XCR1: variants seen among roughly 807,000 people sequenced by gnomAD.
XCR1 encodes the protein X-C motif chemokine receptor 1.
For missense variants in XCR1, 356 were observed against 424.2 expected, an observed-to-expected ratio of 0.84 and a Z score of 1.41; for synonymous variants, 187 against 188.5, an observed-to-expected ratio of 0.99 and a Z score of 0.06.
intron 5 of XCR1, among the ~76,000 whole-genome samples, chr3:46,036,248 T>G (rs1475977257): frequency 2.6e-5 from 4 of 152,194 alleles, no homozygotes; most frequent in Admixed American, 2.6e-4. Flanking sequence ...TCTGTGGTGC[T>G]GTTTGGCCCC....
intron 5 of XCR1, among the ~76,000 whole-genome samples, chr3:46,045,077 A>G (rs1035111264): frequency 1.3e-5 from 2 of 152,222 alleles, no homozygotes; most frequent in African/African-American, 2.4e-5. Flanking sequence ...TCTCATAAAC[A>G]TAGACGCAAA....
At chr3:46,069,224 AAAGT>A (rs781422477) in intron 3 of XCR1, among the ~76,000 whole-genome samples, 8 of 152,168 alleles carry the variant, frequency 5.3e-5, no homozygotes, top group African/African-American at 9.6e-5. Context: ...AAATAAACCC[AAAGT>A]AAGTAGAAAA....
chr3:46,033,617 T>C (rs1305564320), intron 5 of XCR1, among the ~76,000 whole-genome samples: 2 of 152,248 alleles, frequency 1.3e-5, no homozygotes, highest in African/African-American at 4.8e-5. Flanking sequence ...CCCCTGACTT[T>C]GTTCTTCTTC....
chr3:46,054,284 T>C (rs1232569069), intron 4 of XCR1, among the ~76,000 whole-genome samples: 3 of 152,044 alleles, frequency 2.0e-5, no homozygotes, highest in Admixed American at 2.0e-4. Context: ...CTGCATTCTC[T>C]AGATGTCCCA....
At chr3:46,082,679 AG>A (rs1698396578) in intron 1 of XCR1, among the ~76,000 whole-genome samples, 1 of 151,742 alleles carries the variant, frequency 6.6e-6, no homozygotes, top group Admixed American at 6.6e-5. Context: ...ATTGTAGAGA[AG>A]GGTCTTGCTA....
chr3:46,023,663 C>A, intron 1 of XCR1: 1 of 1,417,854 alleles, frequency 7.1e-7, no homozygotes, highest in Non-Finnish European at 9.9e-7. Flanking sequence ...AGCCCTTCTT[C>A]AGAGAAACGC....
At chr3:46,034,544 G>T (rs1465916187) in intron 5 of XCR1, among the ~76,000 whole-genome samples, 1 of 151,948 alleles carries the variant, frequency 6.6e-6, no homozygotes, top group Non-Finnish European at 1.5e-5. Flanking sequence ...TATTCTTAGG[G>T]GAAACACATC....
intron 4 of XCR1, among the ~76,000 whole-genome samples, chr3:46,059,746 G>C (rs1166848227): frequency 6.6e-6 from 1 of 152,184 alleles, no homozygotes; most frequent in Non-Finnish European, 1.5e-5. Context: ...TTGTGTTTGT[G>C]TATACACCTT....
intron 5 of XCR1, among the ~76,000 whole-genome samples, chr3:46,043,373 A>G (rs1697568727): frequency 6.6e-6 from 1 of 151,360 alleles, no homozygotes; most frequent in Non-Finnish European, 1.5e-5. Context: ...CCCAGGAGGC[A>G]GAGGTTGCAG....
chr3:46,067,234 G>A (rs1352104104), intron 3 of XCR1, among the ~76,000 whole-genome samples: 2 of 152,226 alleles, frequency 1.3e-5, no homozygotes, highest in Non-Finnish European at 2.9e-5. Flanking sequence ...TAGCAGCTTT[G>A]AAGAGGCAGG....
intron 1 of XCR1, among the ~76,000 whole-genome samples, chr3:46,082,347 T>G (rs9990063): frequency 0.29 from 43,486 of 151,846 alleles, 6,742 homozygotes; most frequent in South Asian, 0.53. Context: ...TATCCTCTCT[T>G]GGATAAAATT....
intron 3 of XCR1, among the ~76,000 whole-genome samples, chr3:46,071,262 T>A (rs1426421291): frequency 6.6e-6 from 1 of 151,964 alleles, no homozygotes; most frequent in Non-Finnish European, 1.5e-5. Flanking sequence ...GTAATGAGAA[T>A]GCATCGATAA....
At chr3:46,051,554 A>G (rs1697743596) in intron 5 of XCR1, among the ~76,000 whole-genome samples, 1 of 152,202 alleles carries the variant, frequency 6.6e-6, no homozygotes, top group Non-Finnish European at 1.5e-5. Flanking sequence ...TGTACTACAC[A>G]GGTGGGTCTA....
At chr3:46,037,556 G>A (rs1445488534) in intron 5 of XCR1, among the ~76,000 whole-genome samples, 1 of 152,052 alleles carries the variant, frequency 6.6e-6, no homozygotes, top group East Asian at 1.9e-4. Flanking sequence ...TATCATAGAT[G>A]GTCTATGTAA....
intron 1 of XCR1, among the ~76,000 whole-genome samples, chr3:46,026,299 C>T (rs1172493352): frequency 6.6e-6 from 1 of 152,112 alleles, no homozygotes; most frequent in Non-Finnish European, 1.5e-5. Flanking sequence ...TCTCAAACCC[C>T]TCCAAGTTAC....
Position 46,027,452 on chromosome 3 carries a change from G to A in XCR1, c.-67C>T, listed in dbSNP as rs1708318581. 6.6e-6 allele frequency: 1 copy of A among 152,256 alleles called. No homozygotes were observed. Among genetic ancestry groups the A allele is most frequent in the Middle Eastern group, 3.1e-3 (1 of 318 alleles). The allele number at this position is 152,256 out of a possible 1,614,324, so 9.4% of individuals were successfully genotyped here. ...ACCTCTTTACATGCGTCTTGAGGCA[G>A]AAATGGTGCTTCTCTGTTTCATATT... On this transcript the variant is annotated 5_prime_UTR_variant, in exon 1 of 2. Transcript: ENST00000309285.
In XCR1 at chr3:46,020,895, C is replaced by G; in HGVS notation, c.*51G>C. ...TTCCAGGCCCGCTTCTCCATGACCCCCATTCCAGTCCCTGTCCACCTGCAC... is the reference window on the plus strand; with the variant it reads ...TTCCAGGCCCGCTTCTCCATGACCCGCATTCCAGTCCCTGTCCACCTGCAC... On this transcript the variant is annotated 3_prime_UTR_variant, in exon 2 of 2. Transcript: ENST00000309285. The G allele has an allele frequency of 2.5e-6, 4 of 1,575,080 alleles. No individual in the cohort carries two copies. Among genetic ancestry groups the G allele is most frequent in the African/African-American group, 2.7e-5 (2 of 74,056 alleles).
chr3:46,047,151 T>A (rs1418112416), intron 5 of XCR1, among the ~76,000 whole-genome samples: 1 of 152,206 alleles, frequency 6.6e-6, no homozygotes, highest in African/African-American at 2.4e-5. Context: ...CTGAGCTGTT[T>A]GAATAGAATT....
At chr3:46,073,314 G>A (rs1482922061) in intron 3 of XCR1, among the ~76,000 whole-genome samples, 1 of 152,222 alleles carries the variant, frequency 6.6e-6, no homozygotes, top group Non-Finnish European at 1.5e-5. Flanking sequence ...AATAACAGAT[G>A]CTGGGTGCAG....
Sources: gnomAD v4.1 joint callset for allele counts (sites outside exome capture counted in the v4.1 genomes callset) on GRCh38, gnomAD v4.1.1 for gene constraint, MANE v1.5 for transcripts, NCBI Gene and HGNC (gene_info 2026-07-23, HGNC 2026-07-21) for gene names.